GREM2: variants seen among roughly 807,000 people sequenced by gnomAD.
GREM2 encodes the protein gremlin 2, DAN family BMP antagonist.
GREM2 carries 11 observed loss-of-function variants against 14.2 expected under a neutral mutation model. That is an observed-to-expected ratio of 0.78 (90% confidence interval 0.49 to 1.28). GREM2 has a LOEUF of 1.28. GREM2 is among the 50% of genes most tolerant of loss of function. The probability of loss-of-function intolerance (pLI) is 0.00; values close to 1 mark genes in which losing one functional copy is unlikely to be tolerated. For missense variants in GREM2, 210 were observed against 218.5 expected (o/e 0.96, Z 0.24); for synonymous variants, 98 against 97.6 (o/e 1.00, Z -0.02).
chr1:240,590,555 G>A (rs1354258131), intron 1 of GREM2, among the ~76,000 whole-genome samples: 1 of 151,250 alleles, frequency 6.6e-6, no homozygotes, highest in Non-Finnish European at 1.5e-5. Context: ...TCAGCCTTCT[G>A]AGTAGCTGGG....
chr1:240,532,808 G>T (rs1439862124), intron 1 of GREM2, among the ~76,000 whole-genome samples: 1 of 152,178 alleles, frequency 6.6e-6, no homozygotes, highest in Non-Finnish European at 1.5e-5. Context: ...AAATAGCCAA[G>T]ATAGGAGTCA....
intron 1 of GREM2, among the ~76,000 whole-genome samples, chr1:240,538,720 A>G (rs1678529305): frequency 6.6e-6 from 1 of 152,174 alleles, no homozygotes; most frequent in African/African-American, 2.4e-5. Flanking sequence ...AGATACTGTC[A>G]AAAACAAACA....
chr1:240,582,175 T>C (rs1268786817), intron 1 of GREM2, among the ~76,000 whole-genome samples: 3 of 152,224 alleles, frequency 2.0e-5, no homozygotes, highest in East Asian at 1.9e-4. Context: ...CGATGGCTCA[T>C]GCCTGTAATC....
intron 1 of GREM2, among the ~76,000 whole-genome samples, chr1:240,575,993 AAAG>A (rs1305159430): frequency 6.6e-6 from 1 of 152,212 alleles, no homozygotes; most frequent in Non-Finnish European, 1.5e-5. Context: ...CCGAGAAAGA[AAAG>A]AAATGTGCCC....
chr1:240,575,445 G>A (rs1281740348), intron 1 of GREM2, among the ~76,000 whole-genome samples: 1 of 152,084 alleles, frequency 6.6e-6, no homozygotes, highest in Non-Finnish European at 1.5e-5. Flanking sequence ...CATTTAATGT[G>A]TTGCTGCATT....
intron 1 of GREM2, among the ~76,000 whole-genome samples, chr1:240,544,728 T>C (rs1363117776): frequency 6.6e-6 from 1 of 152,304 alleles, no homozygotes; most frequent in East Asian, 1.9e-4. Context: ...AGTTTCAAAA[T>C]ATGTGTTTTT....
chr1:240,607,479 T>G (rs988072757), intron 1 of GREM2, among the ~76,000 whole-genome samples: 9 of 152,204 alleles, frequency 5.9e-5, no homozygotes, highest in Non-Finnish European at 1.3e-4. Flanking sequence ...AAGTGTATTT[T>G]CCATACCATT....
At chr1:240,560,647 CT>C (rs1679020328) in intron 1 of GREM2, among the ~76,000 whole-genome samples, 1 of 152,154 alleles carries the variant, frequency 6.6e-6, no homozygotes, top group South Asian at 2.1e-4. Context: ...TTTATTGAAT[CT>C]GATCTTATTG....
intron 1 of GREM2, among the ~76,000 whole-genome samples, chr1:240,545,365 C>A (rs533522706): frequency 6.6e-6 from 1 of 152,242 alleles, no homozygotes; most frequent in Admixed American, 6.5e-5. Context: ...CCTCTTCGTG[C>A]GTGCCTTGTC....
In GREM2 at chr1:240,601,918, A is replaced by C. The variant is rs867988337; in HGVS notation, c.-2+9966T>G. On this transcript the variant is annotated intron_variant, in intron 1 of 1. Transcript: ENST00000318160. ...ACAGAGTGAGAATCCATCTCAAAAA[A>C]AAAAAAAAAAAAAGGATATTGTGTG... 7.3e-3 allele frequency among the ~76,000 whole-genome samples: 1,103 copies of C among 151,870 alleles called. 7 individuals carry two copies. Among genetic ancestry groups the C allele is most frequent in the African/African-American group, 0.026 (1,060 of 41,422 alleles).
intron 1 of GREM2, among the ~76,000 whole-genome samples, chr1:240,538,740 C>CA (rs896850662): frequency 1.3e-5 from 2 of 152,028 alleles, no homozygotes; most frequent in East Asian, 3.9e-4. Context: ...AAACAAACAA[C>CA]AAAAAACTTT....
At chr1:240,606,998 C>G (rs1038028369) in intron 1 of GREM2, among the ~76,000 whole-genome samples, 9 of 152,198 alleles carry the variant, frequency 5.9e-5, no homozygotes, top group African/African-American at 2.2e-4. Context: ...GATTCTACAG[C>G]ATGCTTGACT....
intron 1 of GREM2, among the ~76,000 whole-genome samples, chr1:240,563,849 C>T (rs535160966): frequency 1.3e-5 from 2 of 152,210 alleles, no homozygotes; most frequent in Admixed American, 1.3e-4. Context: ...GGCCTTTGAA[C>T]TTTCTCTGTT....
In GREM2 at chr1:240,493,074, C is replaced by A. The variant is rs562517997; in HGVS notation, c.402G>T (p.Glu134Asp). Residue 134 changes from glutamate to aspartate, a missense_variant, in exon 2 of 2, where the codon GAG becomes GAT. Glu to Asp is a conservative substitution (Grantham distance 45, BLOSUM62 2). Transcript: ENST00000318160. ...GTGGGTCCAGGCCGGGGCACTCGAG[C>A]TCCACGAGGACGGAGGTGACGCGCT... is the stretch of plus-strand genomic sequence containing the variant. Reference protein sequence around the residue: ...KPQRVTSVLVELECPGLDPPF... With the variant: ...KPQRVTSVLVDLECPGLDPPF... 3 of 1,613,118 alleles carry A rather than the reference C, an allele frequency of 1.9e-6. No homozygotes were observed. Among genetic ancestry groups the A allele is most frequent in the African/African-American group, 2.7e-5 (2 of 75,036 alleles).
At chr1:240,523,674 A>ATG (rs1558148647) in intron 1 of GREM2, among the ~76,000 whole-genome samples, 1 of 151,496 alleles carries the variant, frequency 6.6e-6, no homozygotes, top group South Asian at 2.1e-4. Flanking sequence ...TTGTTTTTTC[A>ATG]TGTGTGTGTG....
chr1:240,559,072 TA>T (rs1317517736), intron 1 of GREM2, among the ~76,000 whole-genome samples: 11 of 152,098 alleles, frequency 7.2e-5, no homozygotes, highest in Non-Finnish European at 1.5e-4. Flanking sequence ...TATTCTTTGT[TA>T]GTATACCAAA....
At chr1:240,510,411 C>T (rs1218864407) in intron 1 of GREM2, among the ~76,000 whole-genome samples, 1 of 139,768 alleles carries the variant, frequency 7.2e-6, no homozygotes, top group Non-Finnish European at 1.5e-5. Context: ...CAAATGGTAT[C>T]CGGAATATGT....
rs1678650268 is a variant in GREM2, at chr1:240,543,618, C to T, written c.-1-50142G>A. Among the ~76,000 whole-genome samples the T allele has an allele frequency of 6.6e-6, 1 of 152,070 alleles. No individual in the cohort carries two copies. The highest frequency in any genetic ancestry group is 2.4e-5 in the African/African-American group (1 of 41,426). ...AGCCAAACCATACCAGGTAAGGAGTCTAACAATTCCCACAAAAAATTCTAT... is the reference window on the plus strand; with the variant it reads ...AGCCAAACCATACCAGGTAAGGAGTTTAACAATTCCCACAAAAAATTCTAT... On this transcript the variant is annotated intron_variant, in intron 1 of 1. Transcript: ENST00000318160. This position sits in a 1 kb window ranked among gnomAD's most constrained non-coding sequence, Gnocchi z 6.4.
intron 1 of GREM2, among the ~76,000 whole-genome samples, chr1:240,532,999 C>T (rs1678397550): frequency 2.0e-5 from 3 of 152,290 alleles, no homozygotes; most frequent in Middle Eastern, 3.4e-3. Context: ...TCCTCATGTA[C>T]AGCAGGTACT....
Sources: allele counts gnomAD v4.1 joint callset (sites outside exome capture counted in the v4.1 genomes callset), GRCh38; gene constraint gnomAD v4.1.1; non-coding constraint Gnocchi (gnomAD v3.1); transcripts MANE v1.5; gene names NCBI Gene and HGNC (gene_info 2026-07-23, HGNC 2026-07-21).